RAP1GAP2: variants seen among roughly 807,000 people sequenced by gnomAD.
RAP1GAP2 encodes the protein RAP1 GTPase activating protein 2.
RAP1GAP2 carries 27 observed loss-of-function variants against 95.0 expected under a neutral mutation model. That is an observed-to-expected ratio of 0.28 (90% CI 0.21 to 0.39). The LOEUF is 0.39. Ranked by LOEUF, RAP1GAP2 falls within the 10% of genes least tolerant of loss-of-function variation. The pLI is 1.00. For missense variants in RAP1GAP2, 771 were observed against 970.0 expected (o/e 0.79, Z 2.72); for synonymous variants, 373 against 380.9 (o/e 0.98, Z 0.24).
intron 8 of RAP1GAP2, among the ~76,000 whole-genome samples, chr17:2,971,073 C>T (rs2044847947): frequency 2.0e-5 from 3 of 152,110 alleles, no homozygotes; most frequent in Non-Finnish European, 2.9e-5. Flanking sequence ...ATCAATCAGT[C>T]GACCTATGTA....
chr17:2,786,533 C>T (rs778073579), intron 1 of RAP1GAP2, among the ~76,000 whole-genome samples: 5 of 152,242 alleles, frequency 3.3e-5, no homozygotes, highest in Admixed American at 1.3e-4. Context: ...GCGGGAGTGA[C>T]CCAGCTGGGT....
At chr17:2,793,759 C>G (rs1002206403), upstream of RAP1GAP2, among the ~76,000 whole-genome samples, 1 of 152,232 alleles carries the variant, frequency 6.6e-6, no homozygotes, top group Non-Finnish European at 1.5e-5. Context: ...CCGGGGTCAG[C>G]TGGTTCCTGG....
chr17:2,946,269 A>T (rs2043694919), intron 3 of RAP1GAP2, among the ~76,000 whole-genome samples: 1 of 152,132 alleles, frequency 6.6e-6, no homozygotes, highest in Non-Finnish European at 1.5e-5. Flanking sequence ...TGTCACTTTG[A>T]TAACGCTGGC....
intron 8 of RAP1GAP2, among the ~76,000 whole-genome samples, chr17:2,977,073 G>A (rs1167187607): frequency 1.3e-5 from 2 of 150,234 alleles, no homozygotes; most frequent in Admixed American, 1.3e-4. Context: ...GGAGGCGGAG[G>A]TTGCAGTGAG....
chr17:2,939,812 C>T (rs898364773), intron 3 of RAP1GAP2, among the ~76,000 whole-genome samples: 2 of 152,264 alleles, frequency 1.3e-5, no homozygotes, highest in Non-Finnish European at 2.9e-5. Context: ...TGACGTAAGA[C>T]GTGTGGCACC....
At chr17:3,002,808 A>G (rs1481372508) in intron 14 of RAP1GAP2, among the ~76,000 whole-genome samples, 1 of 151,890 alleles carries the variant, frequency 6.6e-6, no homozygotes, top group Non-Finnish European at 1.5e-5. Context: ...CTGGGCCTCT[A>G]GTTTTGTCTG....
At position 2,761,729 on chromosome 17, in the gene RAP1GAP2, C is replaced by T. The variant is rs114003636; in HGVS notation, c.50+5962C>T. 4.6e-3 allele frequency among the ~76,000 whole-genome samples: 693 copies of T among 152,116 alleles called. 3 individuals are homozygous for T. Among genetic ancestry groups the T allele is most frequent in the African/African-American group, 0.015 (640 of 41,494 alleles). On this transcript the variant is annotated intron_variant, in intron 1 of 25. Coordinates refer to the RAP1GAP2 transcript ENST00000637138. ...TTGAGTAAAATGGTGAAGTACAGGTCGCAGAATTTGTTTGAGAAAAGAAAT... is the reference window on the plus strand; with the variant it reads ...TTGAGTAAAATGGTGAAGTACAGGTTGCAGAATTTGTTTGAGAAAAGAAAT...
In RAP1GAP2 at chr17:2,957,884, G is replaced by A. The variant is rs907830995; in HGVS notation, c.201+90G>A. 58 of 1,330,326 alleles carry A rather than the reference G, an allele frequency of 4.4e-5. 2 individuals carry two copies. The Middle Eastern group carries it at 9.7e-4, about 22-fold the overall frequency. 82.4% of individuals were successfully genotyped at this position (1,330,326 alleles called of 1,614,324 possible). A position where few individuals can be genotyped will look rare whatever the true frequency, so the allele number is the denominator to read the frequency against. On this transcript the variant is annotated intron_variant, in intron 4 of 24. Coordinates refer to ENST00000254695, the MANE Select transcript of RAP1GAP2 (RefSeq NM_015085.5). Reference sequence around the variant, plus strand: ...CAGGCAGAACCCACGGGCAGAAGCCGGGTGCCCTGGACGGGGGTGCAGAGA... The same window carrying A: ...CAGGCAGAACCCACGGGCAGAAGCCAGGTGCCCTGGACGGGGGTGCAGAGA...
chr17:2,809,212 C>G (rs1196633558), intron 2 of RAP1GAP2, among the ~76,000 whole-genome samples: 1 of 152,202 alleles, frequency 6.6e-6, no homozygotes, highest in Non-Finnish European at 1.5e-5. Flanking sequence ...TTGGCCAGGT[C>G]TTGTGGGTAT....
intron 2 of RAP1GAP2, among the ~76,000 whole-genome samples, chr17:2,822,835 T>C (rs984485503): frequency 3.9e-5 from 6 of 152,068 alleles, no homozygotes; most frequent in Non-Finnish European, 8.8e-5. Flanking sequence ...TAGGTATATC[T>C]CCTAATGCTA....
chr17:2,956,109 T>A (rs548739050), intron 3 of RAP1GAP2, among the ~76,000 whole-genome samples: 1 of 152,362 alleles, frequency 6.6e-6, no homozygotes, highest in South Asian at 2.1e-4. Flanking sequence ...CGTCTGCTAA[T>A]CCTGGTCTCC....
At chr17:2,786,196 C>T (rs2068770044) in intron 1 of RAP1GAP2, among the ~76,000 whole-genome samples, 1 of 152,198 alleles carries the variant, frequency 6.6e-6, no homozygotes, top group South Asian at 2.1e-4. Flanking sequence ...CCACCGCGCC[C>T]AGCCTGGAGT....
At chr17:2,908,828 C>G (rs1363641278) in intron 3 of RAP1GAP2, among the ~76,000 whole-genome samples, 1 of 152,110 alleles carries the variant, frequency 6.6e-6, no homozygotes, top group African/African-American at 2.4e-5. Context: ...ATCTTAGCCT[C>G]CCGAGTAGCT....
chr17:2,774,098 AT>A (rs1211172046), upstream of RAP1GAP2, among the ~76,000 whole-genome samples: 1 of 152,084 alleles, frequency 6.6e-6, no homozygotes, highest in Non-Finnish European at 1.5e-5. Flanking sequence ...GGATAAATGT[AT>A]TTTGGTTTCT....
intron 3 of RAP1GAP2, among the ~76,000 whole-genome samples, chr17:2,923,904 G>A (rs1164692934): frequency 1.3e-5 from 2 of 152,188 alleles, no homozygotes; most frequent in Non-Finnish European, 2.9e-5. Context: ...CACACTGTTT[G>A]TGCTCCTTTG....
intron 2 of RAP1GAP2, among the ~76,000 whole-genome samples, chr17:2,843,264 G>A (rs571086897): frequency 6.6e-6 from 1 of 151,792 alleles, no homozygotes; most frequent in Non-Finnish European, 1.5e-5. Context: ...TAGGTCTATG[G>A]TGGAGAAACA....
intron 2 of RAP1GAP2, among the ~76,000 whole-genome samples, chr17:2,881,861 C>T (rs193203325): frequency 2.1e-3 from 321 of 152,224 alleles, no homozygotes; most frequent in African/African-American, 6.9e-3. Context: ...CGCTATGTCG[C>T]CCAAGCTGGA....
intron 2 of RAP1GAP2, among the ~76,000 whole-genome samples, chr17:2,841,947 C>T (rs1309272568): frequency 6.6e-6 from 1 of 152,188 alleles, no homozygotes; most frequent in Non-Finnish European, 1.5e-5. Context: ...AGACCTGGGT[C>T]AGGCAGGCTG....
intron 13 of RAP1GAP2, among the ~76,000 whole-genome samples, chr17:2,997,816 G>A (rs1399765026): frequency 6.6e-6 from 1 of 151,656 alleles, no homozygotes; most frequent in African/African-American, 2.4e-5. Flanking sequence ...CCAGCTACTC[G>A]GGAGGCTAAG....
Sources: gnomAD v4.1 joint callset for allele counts (sites outside exome capture counted in the v4.1 genomes callset) on GRCh38, gnomAD v4.1.1 for gene constraint, MANE v1.5 for transcripts, NCBI Gene and HGNC (gene_info 2026-07-23, HGNC 2026-07-21) for gene names.